Variants in TBXAS1 observed in about 807,000 individuals in gnomAD.
The protein encoded by TBXAS1 is thromboxane A synthase 1, also known as thromboxane-A synthase.
Under a neutral mutation model 60.7 loss-of-function variants are expected in TBXAS1, and 48 were observed. The observed-to-expected ratio is 0.79, with a 90% confidence interval of 0.63 to 1.01. The LOEUF (loss-of-function observed/expected upper bound fraction) is 1.01. Among genes scored for constraint, TBXAS1 ranks in the 50% least tolerant of loss-of-function variants. The probability of loss-of-function intolerance (pLI) is 0.00; values close to 1 mark genes in which losing one functional copy is unlikely to be tolerated. For missense variants in TBXAS1, 685 were observed against 686.3 expected, an observed-to-expected ratio of 1.00 and a Z score of 0.02; for synonymous variants, 287 against 269.7, an observed-to-expected ratio of 1.06 and a Z score of -0.63.
intron 5 of TBXAS1, among the ~76,000 whole-genome samples, chr7:139,942,681 A>G (rs1457610628): frequency 6.6e-6 from 1 of 152,242 alleles, no homozygotes; most frequent in Non-Finnish European, 1.5e-5. Context: ...GTGTCACTCA[A>G]GAGTAAATGA....
chr7:139,789,740 C>T (rs1797318492), intron 4 of TBXAS1: 1 of 151,868 alleles, frequency 6.6e-6, no homozygotes, highest in Non-Finnish European at 1.5e-5. Flanking sequence ...AAGTGATTCT[C>T]CTGCCTCAGC....
rs1569518347 is a variant in TBXAS1 at position 139,951,894 on chromosome 7, G to GA, written c.451-1474_451-1473insA. On this transcript the variant is annotated intron_variant, in intron 5 of 12. Coordinates refer to ENST00000448866, the MANE Select transcript of TBXAS1 (RefSeq NM_001061.7). ...AGGAAGGAAGGAAAGAAGGAAGGAA[G>GA]GAAGGAAAGAAAGAGAAAGAAAGAG... 3.5e-3 allele frequency among the ~76,000 whole-genome samples: 73 copies of GA among 20,594 alleles called. 13 individuals carry two copies. The highest frequency in any genetic ancestry group is 0.028 in the Middle Eastern group (1 of 36). 13.5% of individuals were successfully genotyped at this position (20,594 alleles called of 152,430 possible). A position where few individuals can be genotyped will look rare whatever the true frequency, so the allele number is the denominator to read the frequency against.
chr7:139,797,358 C>A (rs1797600039), intron 4 of TBXAS1: 1 of 152,166 alleles, frequency 6.6e-6, no homozygotes, highest in South Asian at 2.1e-4. Context: ...TTACTTCTCC[C>A]CTGTGGCTCT....
intron 1 of TBXAS1, among the ~76,000 whole-genome samples, chr7:139,833,500 CT>C (rs1196735976): frequency 1.4e-5 from 1 of 73,230 alleles, no homozygotes; most frequent in Admixed American, 2.0e-4. Flanking sequence ...CCCGTCTCTA[CT>C]AAAAATACAA....
chr7:139,815,433 AG>A (rs1195320558), intron 4 of TBXAS1, among the ~76,000 whole-genome samples: 1 of 152,224 alleles, frequency 6.6e-6, no homozygotes, highest in Non-Finnish European at 1.5e-5. Flanking sequence ...TCTAATCCGC[AG>A]CTCTTTCATC....
intron 3 of TBXAS1, among the ~76,000 whole-genome samples, chr7:139,879,474 A>G (rs1569506506): frequency 6.6e-6 from 1 of 152,152 alleles, no homozygotes; most frequent in Non-Finnish European, 1.5e-5. Context: ...TCAATTAATG[A>G]TTACTTGTTA....
chr7:139,855,004 T>C (rs1800485874), intron 1 of TBXAS1, among the ~76,000 whole-genome samples: 1 of 152,132 alleles, frequency 6.6e-6, no homozygotes, highest in South Asian at 2.1e-4. Context: ...TGTTTGAATG[T>C]TTGTCTCCTC....
intron 9 of TBXAS1, among the ~76,000 whole-genome samples, chr7:139,966,672 C>T (rs190147068): frequency 3.9e-5 from 6 of 152,278 alleles, no homozygotes; most frequent in Admixed American, 3.3e-4. Flanking sequence ...TTTCCCTGTC[C>T]GTGATGATAC....
At chr7:139,807,774 TC>T (rs1488214271) in intron 4 of TBXAS1, among the ~76,000 whole-genome samples, 1 of 152,026 alleles carries the variant, frequency 6.6e-6, no homozygotes, top group Non-Finnish European at 1.5e-5. Flanking sequence ...TGCCTAAACC[TC>T]CCATGTATTT....
At chr7:139,911,615 G>T (rs1426124188) in intron 4 of TBXAS1, among the ~76,000 whole-genome samples, 2 of 152,186 alleles carry the variant, frequency 1.3e-5, no homozygotes, top group Non-Finnish European at 2.9e-5. Flanking sequence ...CAAAGCCGGG[G>T]GAATCCAGAG....
chr7:139,913,802 T>C (rs1332995602), intron 4 of TBXAS1: 2 of 152,286 alleles, frequency 1.3e-5, no homozygotes, highest in African/African-American at 2.4e-5. Context: ...AAGTTCAAGT[T>C]CCCTAGACGA....
At chr7:139,990,770 C>A (rs1426288945) in intron 9 of TBXAS1, among the ~76,000 whole-genome samples, 1 of 151,594 alleles carries the variant, frequency 6.6e-6, no homozygotes, top group South Asian at 2.1e-4. Flanking sequence ...CTACCCCTGG[C>A]TGCCTGGGCC....
rs533184603 is a variant in TBXAS1 at position 139,922,262 on chromosome 7, C to T, written c.333+10941C>T. On this transcript the variant is annotated intron_variant, in intron 4 of 12. Transcript: ENST00000448866. The stretch of plus-strand genomic sequence containing the variant: ...GATTACGGACATGTGCCACCATGCC[C>T]GGCTAATTTTTGTATTTTTAGCAGA... Among the ~76,000 whole-genome samples the T allele has an allele frequency of 2.6e-5, 4 of 151,924 alleles. No individual in the cohort carries two copies. The South Asian group carries it at 6.3e-4, about 24-fold the overall frequency.
In TBXAS1 at chr7:140,004,078, G is replaced by A. The variant is rs2116363591; in HGVS notation, c.1135-3013G>A. 6.6e-6 allele frequency among the ~76,000 whole-genome samples: 1 copy of A among 152,322 alleles called. No individual in the cohort carries two copies. The highest frequency in any genetic ancestry group is 2.4e-5 in the African/African-American group (1 of 41,570). ...CAAGGCCGAATGTGGCCAACAATGG[G>A]TCTCCACTTCCCTGTGTTCAATCGC... On this transcript the variant is annotated intron_variant, in intron 9 of 12. Coordinates refer to ENST00000448866, the MANE Select transcript of TBXAS1 (RefSeq NM_001061.7). This position sits in a 1 kb window ranked among gnomAD's most constrained non-coding sequence, Gnocchi z 5.1.
intron 9 of TBXAS1, among the ~76,000 whole-genome samples, chr7:139,987,636 C>T (rs78372924): frequency 0.016 from 2,400 of 152,282 alleles, 28 homozygotes; most frequent in Middle Eastern, 0.027. Flanking sequence ...TCAGGACCCC[C>T]GACCCTAAAA....
At chr7:139,948,293 T>TGA (rs138477118) in intron 5 of TBXAS1, among the ~76,000 whole-genome samples, 14 of 150,858 alleles carry the variant, frequency 9.3e-5, no homozygotes, top group Non-Finnish European at 1.2e-4. Flanking sequence ...TCTTTGTGCA[T>TGA]GAGAGAGAGA....
intron 9 of TBXAS1, among the ~76,000 whole-genome samples, chr7:139,966,208 A>G (rs1179861004): frequency 6.6e-6 from 1 of 152,182 alleles, no homozygotes; most frequent in Admixed American, 6.5e-5. Context: ...AGATTGCTTA[A>G]TTTGAGCTCT....
At position 139,936,325 on chromosome 7, in the gene TBXAS1, C is replaced by T; in HGVS notation, c.450+18C>T. On this transcript the variant is annotated intron_variant, in intron 5 of 12. Transcript: ENST00000448866. ...TGAACGAGGTAAGACATGAGAAATGCAAACTCTCTTCTCTTACGGAGCAGG... is the reference window on the plus strand; with the variant it reads ...TGAACGAGGTAAGACATGAGAAATGTAAACTCTCTTCTCTTACGGAGCAGG... 6.2e-7 allele frequency: 1 copy of T among 1,608,576 alleles called. No homozygotes were observed. The highest frequency in any genetic ancestry group is 8.5e-7 in the Non-Finnish European group (1 of 1,175,068).
chr7:139,860,599 G>A (rs1800892583), intron 1 of TBXAS1, among the ~76,000 whole-genome samples: 1 of 152,194 alleles, frequency 6.6e-6, no homozygotes, highest in Non-Finnish European at 1.5e-5. Context: ...AAGGACACAG[G>A]AGTTGTCAGA....
Sources: allele counts gnomAD v4.1 joint callset (sites outside exome capture counted in the v4.1 genomes callset), GRCh38; gene constraint gnomAD v4.1.1; non-coding constraint Gnocchi (gnomAD v3.1); transcripts MANE v1.5; gene names NCBI Gene and HGNC (gene_info 2026-07-23, HGNC 2026-07-21).